The following PPM1B variants were observed in gnomAD, a reference collection of about 807,000 sequenced individuals.
PPM1B encodes the protein protein phosphatase, Mg2+/Mn2+ dependent 1B, also known as protein phosphatase 1B.
A neutral mutation model predicts 43.0 loss-of-function variants in PPM1B; 22 were observed. That is an observed-to-expected ratio of 0.51 (90% CI 0.37 to 0.73). PPM1B has a LOEUF of 0.73. Among genes scored for constraint, PPM1B ranks in the 30% least tolerant of loss-of-function variants. PPM1B has a pLI of 0.00. For missense variants in PPM1B, 632 were observed against 584.2 expected (o/e 1.08, Z -0.84); for synonymous variants, 217 against 197.9 (o/e 1.10, Z -0.81).
intron 5 of PPM1B, among the ~76,000 whole-genome samples, chr2:44,229,453 G>GT (rs1045662799): frequency 2.0e-5 from 3 of 152,096 alleles, no homozygotes; most frequent in South Asian, 4.1e-4. Context: ...CCCCTCACCT[G>GT]TTTTTTTCCC....
exon 6 of PPM1B, chr2:44,244,284 AG>A (rs745861160): frequency 1.2e-4 from 164 of 1,361,402 alleles, no homozygotes; most frequent in East Asian, 3.7e-4. Flanking sequence ...GTGACAAGAA[AG>A]GCAGTGGCTG....
chr2:44,245,006 A>C (rs1670830314), downstream of PPM1B, among the ~76,000 whole-genome samples: 1 of 151,966 alleles, frequency 6.6e-6, no homozygotes, highest in Non-Finnish European at 1.5e-5. Flanking sequence ...TACTAAACTA[A>C]TGAAATGTCT....
intron 1 of PPM1B, among the ~76,000 whole-genome samples, chr2:44,190,832 A>C (rs974840789): frequency 6.6e-6 from 1 of 152,214 alleles, no homozygotes; most frequent in Non-Finnish European, 1.5e-5. Context: ...ATGGGTATTT[A>C]ATGACCATTT....
chr2:44,236,052 T>G (rs767711561), downstream of PPM1B, among the ~76,000 whole-genome samples: 2 of 152,152 alleles, frequency 1.3e-5, no homozygotes, highest in Non-Finnish European at 2.9e-5. Context: ...TCATAATTTC[T>G]TAATGCTAAA....
At position 44,218,535 on chromosome 2, in the gene PPM1B, G is replaced by T. The variant is rs1572741467; in HGVS notation, c.1132G>T (p.Gly378Trp). 6.3e-7 allele frequency: 1 copy of T among 1,576,162 alleles called. No homozygotes were observed. The highest frequency in any genetic ancestry group is 2.3e-5 in the East Asian group (1 of 44,288). Residue 378 changes from glycine (G) to tryptophan (W), a missense_variant and splice_region_variant, in exon 5 of 6, where the codon GGG becomes TGG. Around this residue, in one of 3 missense-constraint regions of PPM1B, gnomAD observed 392 missense variants for 302.7 expected, o/e 1.29. Coordinates refer to ENST00000282412, the MANE Select transcript of PPM1B (RefSeq NM_002706.6). ...SRLNPHRESD[G>W]ASDEAEESGS... ...ACTGAATCCACATAGAGAAAGTGAT[G>T]GGGTAAGTTTTATTTTATTTCATAA... is the stretch of plus-strand genomic sequence containing the variant.
At chr2:44,200,312 A>T (rs978104763) in intron 1 of PPM1B, among the ~76,000 whole-genome samples, 19 of 152,190 alleles carry the variant, frequency 1.2e-4, no homozygotes, top group African/African-American at 4.6e-4. Flanking sequence ...ACTTTTGGGA[A>T]CCATTACTCT....
At chr2:44,203,426 A>G (rs747066510) in intron 2 of PPM1B, among the ~76,000 whole-genome samples, 1 of 152,030 alleles carries the variant, frequency 6.6e-6, no homozygotes, top group Non-Finnish European at 1.5e-5. Flanking sequence ...GCATAGGCAT[A>G]TGTTTGTTGC....
intron 1 of PPM1B, among the ~76,000 whole-genome samples, chr2:44,197,849 C>T (rs1214474063): frequency 6.6e-6 from 1 of 152,116 alleles, no homozygotes; most frequent in Non-Finnish European, 1.5e-5. Flanking sequence ...ATATCAGTAT[C>T]TTAGTGTAGT....
chr2:44,233,208 T>G (rs1411018671), downstream of PPM1B: 1 of 920,164 alleles, frequency 1.1e-6, no homozygotes. Context: ...TGTAATTTGG[T>G]ATTTTTAATC....
At chr2:44,171,050 A>G (rs184503431) in intron 1 of PPM1B, among the ~76,000 whole-genome samples, 42 of 152,052 alleles carry the variant, frequency 2.8e-4, no homozygotes, top group African/African-American at 4.8e-4. Context: ...TTGTTGCTGT[A>G]TATTAGCACG....
chr2:44,216,308 T>C (rs1415434297), intron 3 of PPM1B, among the ~76,000 whole-genome samples: 2 of 152,110 alleles, frequency 1.3e-5, no homozygotes, highest in Non-Finnish European at 2.9e-5. Context: ...ATCTAGTGAA[T>C]GGAGGCCAGG....
At position 44,201,288 on chromosome 2, in the gene PPM1B, A is replaced by C. The variant is rs111778535; in HGVS notation, c.89A>C (p.Gln30Pro). ...NGLRYGLSSM[Q>P]GWRVEMEDAH... ...TTACGTTATGGCCTGAGCAGCATGC[A>C]AGGATGGAGAGTGGAAATGGAAGAT... The change falls in exon 2 of 6, where the codon CAA becomes CCA. Residue 30 changes from glutamine (Q) to proline (P), a missense_variant. Physicochemically the swap from Gln to Pro is moderately conservative, Grantham distance 76. Around this residue, in one of 3 missense-constraint regions of PPM1B, gnomAD observed 200 missense variants for 200.7 expected, o/e 1.00. Coordinates refer to ENST00000282412, the MANE Select transcript of PPM1B (RefSeq NM_002706.6). This position sits in a 1 kb window ranked among gnomAD's most constrained non-coding sequence, Gnocchi z 5.4. 1 of 1,614,190 alleles carries C rather than the reference A, an allele frequency of 6.2e-7. No individual in the cohort carries two copies. Among genetic ancestry groups the C allele is most frequent in the Non-Finnish European group, 8.5e-7 (1 of 1,180,028 alleles).
chr2:44,199,682 C>G (rs576240361), intron 1 of PPM1B, among the ~76,000 whole-genome samples: 36 of 152,242 alleles, frequency 2.4e-4, no homozygotes, highest in African/African-American at 8.7e-4. Flanking sequence ...TATTCTGTTA[C>G]ATTGCTCTCA....
At chr2:44,220,095 G>C (rs1027211342) in intron 5 of PPM1B, among the ~76,000 whole-genome samples, 2 of 152,032 alleles carry the variant, frequency 1.3e-5, no homozygotes, top group South Asian at 2.1e-4. Context: ...TGAGAGAAGA[G>C]AATCTTAACT....
intron 3 of PPM1B, among the ~76,000 whole-genome samples, chr2:44,209,969 G>T (rs1388581912): frequency 6.6e-6 from 1 of 152,062 alleles, no homozygotes; most frequent in African/African-American, 2.4e-5. Context: ...AGAGCTTGCT[G>T]GTTTATTTTT....
chr2:44,175,881 G>C (rs998559445), intron 1 of PPM1B, among the ~76,000 whole-genome samples: 1 of 151,590 alleles, frequency 6.6e-6, no homozygotes, highest in African/African-American at 2.4e-5. Context: ...CGCCTCCCAG[G>C]TTCAGACAAT....
rs189251589 is a variant in PPM1B, at chr2:44,185,994, A to G, written c.-14-15192A>G. 3.1e-3 allele frequency among the ~76,000 whole-genome samples: 471 copies of G among 152,240 alleles called. 1 individual carries two copies. The highest frequency in any genetic ancestry group is 9.8e-3 in the African/African-American group (408 of 41,540). On this transcript the variant is annotated intron_variant, in intron 1 of 5. Transcript: ENST00000282412. Reference sequence around the variant, plus strand: ...AATTGGAAGAAAGGATGTGAGCTACATGTTCTGTTTCTGTGAGTTTACTGA... The same window carrying G: ...AATTGGAAGAAAGGATGTGAGCTACGTGTTCTGTTTCTGTGAGTTTACTGA...
At chr2:44,227,928 T>C (rs1217241910) in intron 5 of PPM1B, among the ~76,000 whole-genome samples, 2 of 144,414 alleles carry the variant, frequency 1.4e-5, no homozygotes, top group African/African-American at 2.6e-5. Flanking sequence ...TTTTCTTTTT[T>C]TTTTTTTTTT....
intron 5 of PPM1B, among the ~76,000 whole-genome samples, chr2:44,228,348 A>G (rs13416668): frequency 0.03 from 4,526 of 151,774 alleles, 75 homozygotes; most frequent in Non-Finnish European, 0.048. Context: ...CCTTTTAAAC[A>G]TTTTTTGTAG....
Sources: allele counts gnomAD v4.1 joint callset (sites outside exome capture counted in the v4.1 genomes callset), GRCh38; gene constraint gnomAD v4.1.1; regional missense constraint gnomAD v4.1.1; non-coding constraint Gnocchi (gnomAD v3.1); transcripts MANE v1.5; gene names NCBI Gene and HGNC (gene_info 2026-07-23, HGNC 2026-07-21).